Variants in KCNH1 observed in about 807,000 individuals in gnomAD.
KCNH1 encodes voltage-gated delayed rectifier potassium channel KCNH1.
Under a neutral mutation model 69.2 loss-of-function variants are expected in KCNH1, and 27 were observed. That is an observed-to-expected ratio of 0.39 (90% CI 0.29 to 0.54). The LOEUF is 0.54. KCNH1 is among the 20% of genes least tolerant of loss of function. KCNH1 has a pLI of 0.68. For synonymous variants in KCNH1, 456 were observed against 487.7 expected (o/e 0.93, Z 0.86); for missense variants, 798 against 1,261.6 (o/e 0.63, Z 5.57).
intron 7 of KCNH1, among the ~76,000 whole-genome samples, chr1:210,855,222 ACAAT>A (rs1417174597): frequency 3.3e-5 from 5 of 152,198 alleles, no homozygotes; most frequent in African/African-American, 1.2e-4. Context: ...AGAAGAAACC[ACAAT>A]CAGAGAGAGG....
chr1:210,856,807 A>T (rs1446863756), intron 7 of KCNH1, among the ~76,000 whole-genome samples: 4 of 111,758 alleles, frequency 3.6e-5, no homozygotes, highest in African/African-American at 5.7e-5. Flanking sequence ...ATATTTATAT[A>T]TATATTATAT....
Position 211,074,985 on chromosome 1 carries a change from AC to A in KCNH1, c.558+7794del, listed in dbSNP as rs1239712277. ...GCTCTGTTTCTCTGGTAGAACTCTG[AC>A]TGATACAGTTAGCTACGTAGAGAAA... On this transcript the variant is annotated intron_variant, in intron 5 of 10. Transcript: ENST00000271751. Among the ~76,000 whole-genome samples, 4 of 152,332 alleles carry A rather than the reference AC, an allele frequency of 2.6e-5. No homozygotes were observed. In the East Asian group the frequency reaches 7.7e-4, roughly 29 times the overall value.
rs61235458 is a variant in KCNH1 at position 210,869,484 on chromosome 1, CGTGTGTGTGTGT to C, written c.1462+50144_1462+50155del. Among the ~76,000 whole-genome samples, 782 of 137,000 alleles carry C rather than the reference CGTGTGTGTGTGT, an allele frequency of 5.7e-3. 4 individuals are homozygous for C. The highest frequency in any genetic ancestry group is 0.015 in the East Asian group (67 of 4,414). The allele number at this position is 137,000 out of a possible 152,430, so 89.9% of individuals were successfully genotyped here. A position where few individuals can be genotyped will look rare whatever the true frequency, so the allele number is the denominator to read the frequency against. ...ACTGATTTTTCTCCTAGTTATAAGT[CGTGTGTGTGTGT>C]GTGTGTGTGTGTGTGTGTGTGTGTG... On this transcript the variant is annotated intron_variant, in intron 7 of 10. Coordinates refer to ENST00000271751, the MANE Select transcript of KCNH1 (RefSeq NM_172362.3).
intron 5 of KCNH1, among the ~76,000 whole-genome samples, chr1:211,043,297 A>C (rs547240988): frequency 1.8e-4 from 27 of 152,296 alleles, no homozygotes; most frequent in African/African-American, 6.5e-4. Context: ...ACTGAAATAC[A>C]AAAAGATCAT....
At chr1:210,809,024 T>C (rs1684644102) in intron 7 of KCNH1, among the ~76,000 whole-genome samples, 1 of 152,156 alleles carries the variant, frequency 6.6e-6, no homozygotes, top group Admixed American at 6.5e-5. Flanking sequence ...GGCAAAATGC[T>C]GATTTGGAGA....
intron 7 of KCNH1, among the ~76,000 whole-genome samples, chr1:210,862,693 T>C (rs1686005479): frequency 6.6e-6 from 1 of 152,192 alleles, no homozygotes; most frequent in South Asian, 2.1e-4. Flanking sequence ...TTGCTCAAAA[T>C]AAGTATTTAT....
In KCNH1 at chr1:210,942,258, G is replaced by T. The variant is rs531404753; in HGVS notation, c.1033-22189C>A. ...TCTTGTTAGGAAAACAACAACAAAA[G>T]GCCACCAAGAGGAGTCTCATGGATG... On this transcript the variant is annotated intron_variant, in intron 6 of 10. Transcript: ENST00000271751. 4.6e-5 allele frequency among the ~76,000 whole-genome samples: 7 copies of T among 152,140 alleles called. No individual in the cohort carries two copies. In the South Asian group the frequency reaches 1.5e-3, roughly 32 times the overall value.
In KCNH1 at chr1:211,032,528, T is replaced by C. The variant is rs566048459; in HGVS notation, c.559-13272A>G. Among the ~76,000 whole-genome samples the C allele has an allele frequency of 7.9e-4, 120 of 152,268 alleles. 1 individual carries two copies. Among genetic ancestry groups the C allele is most frequent in the Middle Eastern group, 3.4e-3 (1 of 294 alleles). On this transcript the variant is annotated intron_variant, in intron 5 of 10. Transcript: ENST00000271751. ...TTCAAACTATACTACAAGGCTACAG[T>C]AACCAAAACAGCATGGTACTGGTAC...
intron 3 of KCNH1, among the ~76,000 whole-genome samples, chr1:211,098,916 T>C (rs1391657710): frequency 6.6e-6 from 1 of 152,234 alleles, no homozygotes; most frequent in Non-Finnish European, 1.5e-5. Context: ...ATGAGTTCAG[T>C]TCTTCTGGAA....
At chr1:210,934,633 C>T (rs558563132) in intron 6 of KCNH1, among the ~76,000 whole-genome samples, 54 of 150,402 alleles carry the variant, frequency 3.6e-4, no homozygotes, top group African/African-American at 1.2e-3. Context: ...AGCAAGACTC[C>T]GTCTCAAAAA....
chr1:210,954,510 CA>C (rs1323970404), intron 6 of KCNH1, among the ~76,000 whole-genome samples: 4 of 152,216 alleles, frequency 2.6e-5, no homozygotes, highest in Non-Finnish European at 5.9e-5. Flanking sequence ...AACTAATTTA[CA>C]CTCCCACCAA....
chr1:210,688,810 A>C (rs1398755746), intron 10 of KCNH1, among the ~76,000 whole-genome samples: 1 of 152,200 alleles, frequency 6.6e-6, no homozygotes, highest in African/African-American at 2.4e-5. Flanking sequence ...CAGGGACCAC[A>C]CCAACAGAGA....
intron 5 of KCNH1, among the ~76,000 whole-genome samples, chr1:211,071,439 G>A (rs1184764551): frequency 4.6e-5 from 7 of 152,132 alleles, no homozygotes; most frequent in Non-Finnish European, 7.4e-5. Flanking sequence ...GAGGATTAGC[G>A]TCACAACATT....
At chr1:210,719,947 C>T (rs879574080) in intron 10 of KCNH1, among the ~76,000 whole-genome samples, 3 of 152,102 alleles carry the variant, frequency 2.0e-5, no homozygotes, top group Non-Finnish European at 4.4e-5. Context: ...CCTTTTCTAG[C>T]GCTATGTGTG....
Position 211,035,424 on chromosome 1 carries a change from A to G in KCNH1, c.559-16168T>C, listed in dbSNP as rs58476738. 2.4e-3 allele frequency among the ~76,000 whole-genome samples: 352 copies of G among 149,394 alleles called. 1 individual carries two copies. The highest frequency in any genetic ancestry group is 8.5e-3 in the African/African-American group (343 of 40,576). Reference sequence around the variant, plus strand: ...CCACTACGCCCGGCTAATTTTTTGTATTTTTAGTAGAGACGGGGTTTCACC... The same window carrying G: ...CCACTACGCCCGGCTAATTTTTTGTGTTTTTAGTAGAGACGGGGTTTCACC... On this transcript the variant is annotated intron_variant, in intron 5 of 10. Coordinates refer to ENST00000271751, the MANE Select transcript of KCNH1 (RefSeq NM_172362.3).
chr1:210,884,682 G>A (rs1471503244), intron 7 of KCNH1, among the ~76,000 whole-genome samples: 1 of 152,168 alleles, frequency 6.6e-6, no homozygotes, highest in Non-Finnish European at 1.5e-5. Context: ...GGCCTGGCCT[G>A]GAACCATACT....
chr1:210,693,464 AAG>A (rs1177244990), intron 10 of KCNH1, among the ~76,000 whole-genome samples: 4 of 152,202 alleles, frequency 2.6e-5, no homozygotes, highest in African/African-American at 9.7e-5. Flanking sequence ...GGAGCAACCA[AAG>A]AGAGGCCAGG....
intron 10 of KCNH1, among the ~76,000 whole-genome samples, chr1:210,719,651 A>G (rs1053438618): frequency 6.6e-6 from 1 of 152,194 alleles, no homozygotes; most frequent in Non-Finnish European, 1.5e-5. Flanking sequence ...ACCATGGCAC[A>G]TGTATACCTG....
chr1:210,895,424 G>A (rs1686844914), intron 7 of KCNH1, among the ~76,000 whole-genome samples: 1 of 151,972 alleles, frequency 6.6e-6, no homozygotes, highest in African/African-American at 2.4e-5. Context: ...AATTACAATG[G>A]GGATGGCAAG....
Sources: allele counts gnomAD v4.1 joint callset (sites outside exome capture counted in the v4.1 genomes callset), GRCh38; gene constraint gnomAD v4.1.1; transcripts MANE v1.5; gene names NCBI Gene and HGNC (gene_info 2026-07-23, HGNC 2026-07-21).